The following SLC25A43 variants were observed in gnomAD, a reference collection of about 807,000 sequenced individuals.
SLC25A43 encodes solute carrier family 25, member 43.
Under a neutral mutation model 22.8 loss-of-function variants are expected in SLC25A43, and 10 were observed. That is an observed-to-expected ratio of 0.44 (90% CI 0.27 to 0.74). SLC25A43 has a LOEUF of 0.74. Among genes scored for constraint, SLC25A43 ranks in the 30% least tolerant of loss-of-function variants. SLC25A43 has a pLI of 0.17. For missense variants in SLC25A43, 233 were observed against 279.1 expected, an observed-to-expected ratio of 0.83 and a Z score of 1.18; for synonymous variants, 106 against 121.6, an observed-to-expected ratio of 0.87 and a Z score of 0.84.
intron 2 of SLC25A43, among the ~76,000 whole-genome samples, chrX:119,408,963 G>A (rs1053710717): frequency 9.2e-6 from 1 of 109,178 alleles, no homozygotes; most frequent in African/African-American, 3.3e-5. Flanking sequence ...AGTCCCTCCT[G>A]TCCTCCAAAA....
intron 3 of SLC25A43, among the ~76,000 whole-genome samples, chrX:119,442,629 T>A (rs2052630745): frequency 8.9e-6 from 1 of 111,967 alleles, no homozygotes; most frequent in Non-Finnish European, 1.9e-5. Flanking sequence ...GGAAAGGAGG[T>A]TGAGTCCGAA....
chrX:119,399,730 G>T, intron 1 of SLC25A43, 52 bp downstream of exon 1: 1 of 981,121 alleles, frequency 1.0e-6, no homozygotes, highest in South Asian at 3.5e-5. Flanking sequence ...GGGTGGGGTG[G>T]GGGAGCCGCG....
At chrX:119,417,276 AT>A (rs2052411145) in intron 3 of SLC25A43, among the ~76,000 whole-genome samples, 1 of 108,737 alleles carries the variant, frequency 9.2e-6, no homozygotes, top group South Asian at 4.1e-4. Flanking sequence ...AAAAAAAAAA[AT>A]TACCCAGGTG....
intron 4 of SLC25A43, among the ~76,000 whole-genome samples, 173 bp downstream of exon 4, chrX:119,452,316 G>C (rs1369534815): frequency 9.0e-6 from 1 of 111,222 alleles, no homozygotes. Context: ...AGGGGAACCT[G>C]TGCAGTGGTG....
At chrX:119,424,212 C>CAA (rs201882702) in intron 3 of SLC25A43, among the ~76,000 whole-genome samples, 1 of 59,243 alleles carries the variant, frequency 1.7e-5, no homozygotes. Flanking sequence ...GACTCCGTCT[C>CAA]AAAAAAAAAA....
rs150131950 is a variant in SLC25A43 at position 119,453,094 on chromosome X, T to A, written c.*29T>A. ...GGAATGGAACTAGAAGTGCACTGAC[T>A]GACAGCATGTTGCAATCACAGATAA... On this transcript the variant is annotated 3_prime_UTR_variant, in exon 5 of 5. Coordinates refer to ENST00000217909, the MANE Select transcript of SLC25A43 (RefSeq NM_145305.3). The A allele has an allele frequency of 3.1e-4, 346 of 1,123,056 alleles. No individual in the cohort carries two copies. In the African/African-American group the frequency reaches 5.0e-3, roughly 16 times the overall value. 92.6% of individuals were successfully genotyped at this position (1,123,056 alleles called of 1,213,427 possible). A position where few individuals can be genotyped will look rare whatever the true frequency, so the allele number is the denominator to read the frequency against.
rs35181029 is a variant in SLC25A43, at chrX:119,432,784, TAAAAAAAAAA to T, written c.691-19213_691-19204del. On this transcript the variant is annotated intron_variant, in intron 3 of 4. Transcript: ENST00000217909. ...GCCTCAGTGACAGAGCGAGATTCCA[TAAAAAAAAAA>T]AAAAAAAAAAACTTTTTAAAAGAGG... is the stretch of plus-strand genomic sequence containing the variant. 7.9e-3 allele frequency among the ~76,000 whole-genome samples: 564 copies of T among 71,437 alleles called. 4 individuals carry two copies. The highest frequency in any genetic ancestry group is 0.028 in the African/African-American group (515 of 18,452). The allele number at this position is 71,437 out of a possible 115,157, so 62.0% of individuals were successfully genotyped here.
chrX:119,449,779 G>A (rs61255060), intron 3 of SLC25A43, among the ~76,000 whole-genome samples: 1,253 of 111,268 alleles, frequency 0.011, 6 homozygotes, highest in Non-Finnish European at 0.017. Context: ...AAGGACAAGA[G>A]TGGGTCCAAG....
chrX:119,447,080 A>C (rs1022508824), intron 3 of SLC25A43, among the ~76,000 whole-genome samples: 9 of 110,760 alleles, frequency 8.1e-5, no homozygotes, highest in Non-Finnish European at 1.5e-4. Context: ...CAGCTTCCTG[A>C]GTAGCTGGGA....
At chrX:119,401,230 T>C (rs777094052) in intron 1 of SLC25A43, among the ~76,000 whole-genome samples, 4 of 111,342 alleles carry the variant, frequency 3.6e-5, no homozygotes, top group African/African-American at 1.3e-4. Context: ...TCATAGTCTT[T>C]CTGTTACATC....
At chrX:119,449,849 G>T (rs768139929) in intron 3 of SLC25A43, among the ~76,000 whole-genome samples, 1 of 112,239 alleles carries the variant, frequency 8.9e-6, no homozygotes, top group South Asian at 3.7e-4. Context: ...CTGAATTATG[G>T]GAGTGCCAGT....
At chrX:119,402,675 C>T (rs977573668) in intron 1 of SLC25A43, among the ~76,000 whole-genome samples, 3 of 111,621 alleles carry the variant, frequency 2.7e-5, no homozygotes, top group African/African-American at 9.8e-5. Context: ...TGCTGCAATT[C>T]ACCAGTGTAT....
intron 1 of SLC25A43, among the ~76,000 whole-genome samples, chrX:119,403,001 A>T (rs940152394): frequency 1.8e-5 from 2 of 111,766 alleles, no homozygotes; most frequent in Non-Finnish European, 3.8e-5. Context: ...TTCCTAGTTC[A>T]TCAAGTCATT....
Position 119,454,214 on chromosome X carries a change from AT to A in SLC25A43, c.*1150del, listed in dbSNP as rs2052725996. On this transcript the variant is annotated 3_prime_UTR_variant, in exon 5 of 5. Coordinates refer to ENST00000217909, the MANE Select transcript of SLC25A43 (RefSeq NM_145305.3). ...ACATTTGACACACATACTCAAAAAAATGTAACTGACTATAAACACTTTAACC... is the reference window on the plus strand; with the variant it reads ...ACATTTGACACACATACTCAAAAAAAGTAACTGACTATAAACACTTTAACC... 1 of 112,615 alleles carries A rather than the reference AT, an allele frequency of 8.9e-6. No individual in the cohort carries two copies. The highest frequency in any genetic ancestry group is 3.2e-5 in the African/African-American group (1 of 30,958). 9.3% of individuals were successfully genotyped at this position (112,615 alleles called of 1,213,427 possible). A position where few individuals can be genotyped will look rare whatever the true frequency, so the allele number is the denominator to read the frequency against.
In SLC25A43 at chrX:119,399,588, C is replaced by T; in HGVS notation, c.185C>T (p.Ala62Val). 1 of 1,041,787 alleles carries T rather than the reference C, an allele frequency of 9.6e-7. No homozygotes were observed. The allele number at this position is 1,041,787 out of a possible 1,213,427, so 85.9% of individuals were successfully genotyped here. A position where few individuals can be genotyped will look rare whatever the true frequency, so the allele number is the denominator to read the frequency against. ...GCCACAGGGCACCGGGTGTGGCGGGCAGAGGGGCTCCGGGCCCTGTGGAAG... is the reference window on the plus strand; with the variant it reads ...GCCACAGGGCACCGGGTGTGGCGGGTAGAGGGGCTCCGGGCCCTGTGGAAG... ...PWATGHRVWRAEGLRALWKGN... is the reference protein window; with the variant it reads ...PWATGHRVWRVEGLRALWKGN... Residue 62 changes from alanine (A) to valine (V), a missense_variant, in exon 1 of 5, where the codon GCA becomes GTA. Physicochemically the swap from Ala to Val is moderately conservative, Grantham distance 64. Coordinates refer to ENST00000217909, the MANE Select transcript of SLC25A43 (RefSeq NM_145305.3).
At chrX:119,443,781 T>C (rs375090805) in intron 3 of SLC25A43, among the ~76,000 whole-genome samples, 11 of 110,499 alleles carry the variant, frequency 1.0e-4, no homozygotes, top group African/African-American at 3.3e-4. Context: ...GGTTTTTCTC[T>C]GTTGCCCAGG....
intron 1 of SLC25A43, among the ~76,000 whole-genome samples, chrX:119,403,867 A>G (rs1417729186): frequency 1.8e-5 from 2 of 110,781 alleles, no homozygotes; most frequent in East Asian, 2.9e-4. Context: ...ATGGACACCA[A>G]CTAGGTGTCC....
chrX:119,413,773 T>C (rs1461895248), intron 3 of SLC25A43, among the ~76,000 whole-genome samples: 1 of 111,637 alleles, frequency 9.0e-6, no homozygotes, highest in Non-Finnish European at 1.9e-5. Context: ...CCCTGGGCCA[T>C]TAAGTATTTA....
chrX:119,452,101 G>T lies in SLC25A43; in HGVS notation c.783G>T (p.Gly261=). The T allele has an allele frequency of 4.1e-6, 5 of 1,206,299 alleles. No homozygotes were observed. Among genetic ancestry groups the T allele is most frequent in the Non-Finnish European group, 5.6e-6 (5 of 893,231 alleles). ...TCCGGCAGATAGTGAAGGCCCAGGGGGTCCTGGGGCTCTGGAATGGATTGA... is the reference window on the plus strand; with the variant it reads ...TCCGGCAGATAGTGAAGGCCCAGGGTGTCCTGGGGCTCTGGAATGGATTGA... ...DCFRQIVKAQ[G]VLGLWNGLTA... Residue 261 remains glycine (G), a synonymous_variant, in exon 4 of 5, where the codon GGG becomes GGT. Transcript: ENST00000217909.
Sources: gnomAD v4.1 joint callset for allele counts (sites outside exome capture counted in the v4.1 genomes callset) on GRCh38, gnomAD v4.1.1 for gene constraint, MANE v1.5 for transcripts, NCBI Gene and HGNC (gene_info 2026-07-23, HGNC 2026-07-21) for gene names.